The following ADAMTSL1 variants were observed in gnomAD, a reference collection of about 807,000 sequenced individuals.
The protein encoded by ADAMTSL1 is ADAMTS-like protein 1.
A neutral mutation model predicts 201.8 loss-of-function variants in ADAMTSL1; 126 were observed. That is an observed-to-expected ratio of 0.62 (90% CI 0.54 to 0.72). ADAMTSL1 has a LOEUF of 0.72. Ranked by LOEUF, ADAMTSL1 falls within the 30% of genes least tolerant of loss-of-function variation. The pLI, the probability that ADAMTSL1 is intolerant of heterozygous loss-of-function variation, is 0.00. For missense variants in ADAMTSL1, 2,679 were observed against 2,277.8 expected (o/e 1.18, Z -3.59); for synonymous variants, 1,121 against 903.4 (o/e 1.24, Z -4.32).
At chr9:18,462,661 G>T (rs148637223) in intron 2 of ADAMTSL1, among the ~76,000 whole-genome samples, 1 of 152,044 alleles carries the variant, frequency 6.6e-6, no homozygotes, top group South Asian at 2.1e-4. Flanking sequence ...AAAAGGGGCC[G>T]GGCATGGTGG....
chr9:18,048,552 T>C (rs544175978), intron 1 of ADAMTSL1, among the ~76,000 whole-genome samples: 2 of 152,286 alleles, frequency 1.3e-5, no homozygotes, highest in South Asian at 4.1e-4. Flanking sequence ...ACATGGGAGA[T>C]GTTACTAATC....
chr9:18,210,486 A>T (rs1829827572), intron 2 of ADAMTSL1, among the ~76,000 whole-genome samples: 1 of 147,358 alleles, frequency 6.8e-6, no homozygotes, highest in Non-Finnish European at 1.5e-5. Context: ...TATATAAATA[A>T]ATATATATTA....
chr9:18,760,075 T>C (rs1819981726), intron 16 of ADAMTSL1, among the ~76,000 whole-genome samples: 1 of 152,176 alleles, frequency 6.6e-6, no homozygotes, highest in Non-Finnish European at 1.5e-5. Flanking sequence ...CCAAGCTTAA[T>C]ACATACCTGC....
intron 1 of ADAMTSL1, among the ~76,000 whole-genome samples, chr9:17,931,108 T>G (rs1383612580): frequency 6.6e-6 from 1 of 152,178 alleles, no homozygotes. Flanking sequence ...AAAAAAGACC[T>G]ATTGCATGTC....
At chr9:18,074,511 C>CTT (rs368569922) in intron 1 of ADAMTSL1, among the ~76,000 whole-genome samples, 10,155 of 93,246 alleles carry the variant, frequency 0.11, 683 homozygotes, top group Non-Finnish European at 0.12. Context: ...CTTTTCTTTT[C>CTT]TTCTTTTCTT....
intron 16 of ADAMTSL1, among the ~76,000 whole-genome samples, chr9:18,762,563 C>A (rs1266343063): frequency 2.0e-5 from 3 of 152,080 alleles, no homozygotes; most frequent in Non-Finnish European, 2.9e-5. Flanking sequence ...ACTATAGTCA[C>A]CCTATTGTGC....
At chr9:18,838,395 ACACACAC>A (rs1563844518) in intron 23 of ADAMTSL1, among the ~76,000 whole-genome samples, 12 of 149,196 alleles carry the variant, frequency 8.0e-5, no homozygotes, top group East Asian at 2.0e-4. Flanking sequence ...ACACACACAC[ACACACAC>A]GCAAAAACCT....
chr9:18,533,215 A>C, intron 2 of ADAMTSL1, 32 bp from the exon 3 acceptor site: 2 of 1,581,502 alleles, frequency 1.3e-6, no homozygotes, highest in Non-Finnish European at 1.7e-6. Flanking sequence ...TTTCATAAGT[A>C]GTAATATTTC....
At chr9:18,553,624 G>C (rs1820929441) in intron 3 of ADAMTSL1, among the ~76,000 whole-genome samples, 3 of 151,680 alleles carry the variant, frequency 2.0e-5, no homozygotes, top group Non-Finnish European at 4.4e-5. Flanking sequence ...GAGTGCTTTT[G>C]GTTTTCTGTA....
intron 2 of ADAMTSL1, among the ~76,000 whole-genome samples, chr9:18,507,920 C>G (rs1410334785): frequency 6.6e-6 from 1 of 152,142 alleles, no homozygotes; most frequent in African/African-American, 2.4e-5. Flanking sequence ...CACAGTGGCT[C>G]ACGCCTGTAA....
intron 1 of ADAMTSL1, among the ~76,000 whole-genome samples, chr9:17,970,682 T>G (rs548045529): frequency 6.6e-6 from 1 of 152,196 alleles, no homozygotes; most frequent in Non-Finnish European, 1.5e-5. Context: ...CATCATCTTC[T>G]GCAGGATGTT....
At chr9:18,697,031 C>T (rs887634997) in intron 13 of ADAMTSL1, among the ~76,000 whole-genome samples, 5 of 151,734 alleles carry the variant, frequency 3.3e-5, no homozygotes, top group Non-Finnish European at 5.9e-5. Flanking sequence ...AGGTGTGTGC[C>T]GCCACACCCA....
At chr9:18,904,648 A>G (rs1830194227) in intron 26 of ADAMTSL1, among the ~76,000 whole-genome samples, 1 of 122,026 alleles carries the variant, frequency 8.2e-6, no homozygotes, top group Non-Finnish European at 1.6e-5. Flanking sequence ...AAAAAAAAAA[A>G]AAAAAAAAAA....
chr9:18,065,394 C>G (rs1038075851), intron 1 of ADAMTSL1, among the ~76,000 whole-genome samples: 2 of 152,168 alleles, frequency 1.3e-5, no homozygotes, highest in Non-Finnish European at 2.9e-5. Context: ...ACTCTCTTCT[C>G]AAAGTTCAAT....
At chr9:18,469,952 G>A (rs915191604), upstream of ADAMTSL1, among the ~76,000 whole-genome samples, 1 of 152,194 alleles carries the variant, frequency 6.6e-6, no homozygotes, top group Non-Finnish European at 1.5e-5. Context: ...ACATCTATGT[G>A]AAGTTAATAA....
At chr9:18,722,726 C>G (rs895972623) in intron 15 of ADAMTSL1, among the ~76,000 whole-genome samples, 6 of 152,286 alleles carry the variant, frequency 3.9e-5, no homozygotes, top group Middle Eastern at 3.4e-3. Flanking sequence ...GGGCATTCCC[C>G]TCTTCAAATA....
At chr9:17,935,554 A>G (rs1245928025) in intron 1 of ADAMTSL1, among the ~76,000 whole-genome samples, 1 of 152,104 alleles carries the variant, frequency 6.6e-6, no homozygotes, top group Non-Finnish European at 1.5e-5. Flanking sequence ...CTCCCCCAAA[A>G]GCAAAATAAA....
chr9:18,480,307 A>G (rs1821659352), intron 1 of ADAMTSL1, among the ~76,000 whole-genome samples: 1 of 152,214 alleles, frequency 6.6e-6, no homozygotes, highest in African/African-American at 2.4e-5. Context: ...AAAAATAGCT[A>G]GAAGTACTAT....
At chr9:17,926,533 T>A (rs1025107146) in intron 1 of ADAMTSL1, among the ~76,000 whole-genome samples, 2 of 152,120 alleles carry the variant, frequency 1.3e-5, no homozygotes, top group African/African-American at 4.8e-5. Context: ...CTGCTCTAAA[T>A]AAATACTTCC....
Sources: gnomAD v4.1 joint callset for allele counts (sites outside exome capture counted in the v4.1 genomes callset) on GRCh38, gnomAD v4.1.1 for gene constraint, MANE v1.5 for transcripts, NCBI Gene and HGNC (gene_info 2026-07-23, HGNC 2026-07-21) for gene names.